Variants in SLC25A13 observed in about 807,000 individuals in gnomAD.
SLC25A13 encodes solute carrier family 25 member 13.
Under a neutral mutation model 85.5 loss-of-function variants are expected in SLC25A13, and 70 were observed. The ratio of observed to expected loss-of-function variants is 0.82; its 90% confidence interval spans 0.68 to 1.00. The LOEUF (loss-of-function observed/expected upper bound fraction) is 1.00. Among genes scored for constraint, SLC25A13 ranks in the 50% least tolerant of loss-of-function variants. The pLI, the probability that SLC25A13 is intolerant of heterozygous loss-of-function variation, is 0.00. For missense variants in SLC25A13, 765 were observed against 819.8 expected (o/e 0.93, Z 0.82); for synonymous variants, 259 against 288.7 (o/e 0.90, Z 1.04).
At chr7:96,150,754 T>G (rs1439651329) in intron 13 of SLC25A13, among the ~76,000 whole-genome samples, 1 of 152,092 alleles carries the variant, frequency 6.6e-6, no homozygotes, top group Non-Finnish European at 1.5e-5. Context: ...GCCAACACCT[T>G]GATCTTGAAC....
At chr7:96,284,730 T>TCC (rs1001318792) in intron 2 of SLC25A13, among the ~76,000 whole-genome samples, 2 of 152,106 alleles carry the variant, frequency 1.3e-5, no homozygotes, top group Admixed American at 1.3e-4. Context: ...AAATGGGAGT[T>TCC]CCCCTGCACA....
At chr7:96,229,178 C>T (rs544295048) in intron 4 of SLC25A13, among the ~76,000 whole-genome samples, 4 of 152,322 alleles carry the variant, frequency 2.6e-5, no homozygotes, top group South Asian at 2.1e-4. Context: ...GCTCCTGAGT[C>T]GGGTGGGGAC....
At chr7:96,233,115 C>T (rs1796618037) in intron 4 of SLC25A13, among the ~76,000 whole-genome samples, 1 of 152,186 alleles carries the variant, frequency 6.6e-6, no homozygotes, top group African/African-American at 2.4e-5. Flanking sequence ...GCCCATTTCT[C>T]AGTCCTCTAA....
chr7:96,285,192 A>T (rs1223787667), intron 2 of SLC25A13, among the ~76,000 whole-genome samples: 1 of 152,114 alleles, frequency 6.6e-6, no homozygotes, highest in African/African-American at 2.4e-5. Context: ...CAGCCATCTT[A>T]ATCAAATATT....
chr7:96,140,254 G>A (rs575931549), intron 14 of SLC25A13, among the ~76,000 whole-genome samples: 3 of 151,790 alleles, frequency 2.0e-5, no homozygotes, highest in Non-Finnish European at 2.9e-5. Context: ...CACCGCGCCC[G>A]GCCTGATTTC....
intron 4 of SLC25A13, among the ~76,000 whole-genome samples, chr7:96,232,964 A>G (rs1348085504): frequency 6.6e-6 from 1 of 152,176 alleles, no homozygotes; most frequent in Non-Finnish European, 1.5e-5. Context: ...TTCTAATCAC[A>G]CTAACACACA....
intron 3 of SLC25A13, 121 bp downstream of exon 3, chr7:96,277,073 TAA>T: frequency 1.1e-6 from 1 of 884,768 alleles, no homozygotes; most frequent in South Asian, 2.0e-5. Context: ...ATAATAGTAG[TAA>T]GTACAGAAAA....
intron 14 of SLC25A13, among the ~76,000 whole-genome samples, chr7:96,145,992 G>T (rs1475857801): frequency 6.6e-6 from 1 of 152,062 alleles, no homozygotes; most frequent in Admixed American, 6.5e-5. Flanking sequence ...AGCCTTATAG[G>T]TTGGCATATA....
chr7:96,304,248 T>G (rs939597585), intron 1 of SLC25A13, among the ~76,000 whole-genome samples: 10 of 152,180 alleles, frequency 6.6e-5, no homozygotes, highest in African/African-American at 2.4e-4. Flanking sequence ...AACATTTCTA[T>G]GTAATCAGCT....
At chr7:96,241,186 T>C (rs1584500932) in intron 3 of SLC25A13, among the ~76,000 whole-genome samples, 1 of 152,114 alleles carries the variant, frequency 6.6e-6, no homozygotes, top group East Asian at 1.9e-4. Context: ...AAGATGTCTT[T>C]ATGGCCACTC....
At chr7:96,205,867 A>G (rs987094852) in intron 5 of SLC25A13, among the ~76,000 whole-genome samples, 2 of 152,140 alleles carry the variant, frequency 1.3e-5, no homozygotes, top group Non-Finnish European at 2.9e-5. Context: ...ACATGACCCA[A>G]GTAAGATCCT....
chr7:96,201,088 C>T (rs144696566), intron 5 of SLC25A13, among the ~76,000 whole-genome samples: 71 of 152,248 alleles, frequency 4.7e-4, no homozygotes, highest in African/African-American at 1.7e-3. Flanking sequence ...TTGAGAACAC[C>T]AAATGATGCT....
chr7:96,139,230 G>GA (rs1792421632), intron 14 of SLC25A13, among the ~76,000 whole-genome samples: 1 of 152,052 alleles, frequency 6.6e-6, no homozygotes, highest in African/African-American at 2.4e-5. Context: ...TTCGTAAAAA[G>GA]AAAAATTTTT....
rs1179563171 is a variant in SLC25A13 at position 96,120,980 on chromosome 7, C to A, written c.*211G>T. 2.9e-6 allele frequency: 2 copies of A among 693,522 alleles called. No individual in the cohort carries two copies. Among genetic ancestry groups the A allele is most frequent in the Non-Finnish European group, 5.1e-6 (2 of 389,246 alleles). 43.0% of individuals were successfully genotyped at this position (693,522 alleles called of 1,614,324 possible). A position where few individuals can be genotyped will look rare whatever the true frequency, so the allele number is the denominator to read the frequency against. The stretch of plus-strand genomic sequence containing the variant: ...TCAGATGCAAACAAAGGTTTCTGGG[C>A]AGAGGGCCAAATAATAATTATGAAT... On this transcript the variant is annotated 3_prime_UTR_variant, in exon 18 of 18. Coordinates refer to ENST00000265631, the MANE Select transcript of SLC25A13 (RefSeq NM_014251.3).
At chr7:96,306,875 C>T in intron 1 of SLC25A13, 2 of 1,239,602 alleles carry the variant, frequency 1.6e-6, no homozygotes, top group Non-Finnish European at 2.4e-6. Flanking sequence ...ACCCAAGTAG[C>T]TTTGTGGCTT....
At chr7:96,231,576 T>C (rs1796541220) in intron 4 of SLC25A13, among the ~76,000 whole-genome samples, 1 of 151,742 alleles carries the variant, frequency 6.6e-6, no homozygotes, top group African/African-American at 2.4e-5. Context: ...AATACAAAAT[T>C]AGCCAGACGT....
rs143001756 is a variant in SLC25A13, at chr7:96,206,804, C to T, written c.468+2034G>A. ...TTATTTAATCCTGGACTCTGGCTTC[C>T]CCATATCTGGAGGAAGGCCCAGAGG... is the stretch of plus-strand genomic sequence containing the variant. On this transcript the variant is annotated intron_variant, in intron 5 of 17. Coordinates refer to ENST00000265631, the MANE Select transcript of SLC25A13 (RefSeq NM_014251.3). 7.7e-3 allele frequency among the ~76,000 whole-genome samples: 1,179 copies of T among 152,188 alleles called. 37 individuals carry two copies. The highest frequency in any genetic ancestry group is 0.058 in the Admixed American group (890 of 15,290).
At chr7:96,190,088 T>A (rs537985922) in intron 7 of SLC25A13, among the ~76,000 whole-genome samples, 37 of 150,514 alleles carry the variant, frequency 2.5e-4, no homozygotes, top group African/African-American at 7.6e-4. Context: ...TCTGATTTTT[T>A]TTTTTTTTTT....
intron 2 of SLC25A13, among the ~76,000 whole-genome samples, chr7:96,282,284 G>A (rs1358219955): frequency 6.6e-5 from 10 of 152,102 alleles, no homozygotes; most frequent in African/African-American, 1.9e-4. Context: ...CATACCCCGA[G>A]GGCAGGGGTC....
Sources: gnomAD v4.1 joint callset for allele counts (sites outside exome capture counted in the v4.1 genomes callset) on GRCh38, gnomAD v4.1.1 for gene constraint, MANE v1.5 for transcripts, NCBI Gene and HGNC (gene_info 2026-07-23, HGNC 2026-07-21) for gene names.